Variants in IGSF21 observed in about 807,000 individuals in gnomAD.
IGSF21 encodes the protein immunoglobulin superfamily member 21.
IGSF21 carries 28 observed loss-of-function variants against 46.8 expected under a neutral mutation model. That is an observed-to-expected ratio of 0.60 (90% CI 0.44 to 0.82). The LOEUF (loss-of-function observed/expected upper bound fraction) is 0.82, where lower values mean the gene tolerates loss of function less well. Ranked by LOEUF, IGSF21 falls within the 40% of genes least tolerant of loss-of-function variation. The pLI is 0.00. For synonymous variants in IGSF21, 284 were observed against 273.6 expected (o/e 1.04, Z -0.38); for missense variants, 624 against 665.5 (o/e 0.94, Z 0.69).
Position 18,243,905 on chromosome 1 carries a change from A to C in IGSF21, c.183+15895A>C, listed in dbSNP as rs1403927681. 2.0e-5 allele frequency among the ~76,000 whole-genome samples: 3 copies of C among 152,002 alleles called. No individual in the cohort carries two copies. In the East Asian group the frequency reaches 5.8e-4, roughly 29 times the overall value. ...AGATCCAAGAGCAACTCCTGCCTCCACCTCTTCCTCTGTCACCTCCCCCAT... is the reference window on the plus strand; with the variant it reads ...AGATCCAAGAGCAACTCCTGCCTCCCCCTCTTCCTCTGTCACCTCCCCCAT... On this transcript the variant is annotated intron_variant, in intron 2 of 9. Coordinates refer to ENST00000251296, the MANE Select transcript of IGSF21 (RefSeq NM_032880.5).
At chr1:18,134,826 G>A (rs939829564) in intron 1 of IGSF21, among the ~76,000 whole-genome samples, 4 of 152,204 alleles carry the variant, frequency 2.6e-5, no homozygotes, top group South Asian at 2.1e-4. Flanking sequence ...TGCTCAGACC[G>A]GGGCCTCAGT....
intron 1 of IGSF21, among the ~76,000 whole-genome samples, chr1:18,187,200 A>C (rs933162668): frequency 6.9e-6 from 1 of 144,524 alleles, no homozygotes; most frequent in African/African-American, 2.6e-5. Context: ...CTGTTTCTGA[A>C]TATGGCAGAG....
chr1:18,276,146 A>G (rs1343807565), intron 2 of IGSF21, among the ~76,000 whole-genome samples: 1 of 152,088 alleles, frequency 6.6e-6, no homozygotes, highest in Non-Finnish European at 1.5e-5. Context: ...TTGCATCCAC[A>G]CTTCCTCTTG....
At position 18,346,825 on chromosome 1, in the gene IGSF21, G is replaced by A. The variant is rs530733996; in HGVS notation, c.424+11815G>A. On this transcript the variant is annotated intron_variant, in intron 4 of 9. Transcript: ENST00000251296. ...CTGAGCTACCAAAGCTGGCTGGAGT[G>A]GGGGCTGCAGCCCACAGGACTGAGG... Among the ~76,000 whole-genome samples the A allele has an allele frequency of 5.3e-5, 8 of 152,298 alleles. No homozygotes were observed. The South Asian group carries it at 8.3e-4, about 16-fold the overall frequency.
intron 1 of IGSF21, among the ~76,000 whole-genome samples, chr1:18,148,493 C>G (rs72942399): frequency 1.0e-3 from 154 of 152,302 alleles, no homozygotes; most frequent in African/African-American, 3.7e-3. Flanking sequence ...CCCGGAGAAG[C>G]TAAGTCACTT....
At chr1:18,368,736 A>G (rs2086193859) in intron 6 of IGSF21, among the ~76,000 whole-genome samples, 1 of 152,050 alleles carries the variant, frequency 6.6e-6, no homozygotes, top group Admixed American at 6.6e-5. Flanking sequence ...TGCTTCATTT[A>G]TGAAAGCCCC....
intron 1 of IGSF21, among the ~76,000 whole-genome samples, chr1:18,203,724 G>C (rs1358530536): frequency 6.6e-6 from 1 of 152,230 alleles, no homozygotes; most frequent in Non-Finnish European, 1.5e-5. Context: ...GGGAACAGGT[G>C]GGGTGGGGGC....
chr1:18,145,157 T>C (rs1383870956), intron 1 of IGSF21, among the ~76,000 whole-genome samples: 1 of 152,118 alleles, frequency 6.6e-6, no homozygotes, highest in Non-Finnish European at 1.5e-5. Context: ...TTTCTGTGCG[T>C]GGGGACAGGG....
intron 2 of IGSF21, among the ~76,000 whole-genome samples, chr1:18,260,370 C>T (rs2084935438): frequency 6.6e-6 from 1 of 152,206 alleles, no homozygotes. Context: ...GGAGCTTAGC[C>T]CGGGAGGGTT....
intron 2 of IGSF21, among the ~76,000 whole-genome samples, chr1:18,264,678 G>A (rs78204267): frequency 0.013 from 1,913 of 152,296 alleles, 18 homozygotes; most frequent in Non-Finnish European, 0.019. Context: ...CCCCCAGACC[G>A]GTTGGTGCAA....
At chr1:18,305,484 TGGA>T (rs2085412987) in intron 3 of IGSF21, among the ~76,000 whole-genome samples, 1 of 136,074 alleles carries the variant, frequency 7.3e-6, no homozygotes, top group African/African-American at 2.8e-5. Context: ...GATGGATGGA[TGGA>T]TGATGGATGG....
intron 2 of IGSF21, among the ~76,000 whole-genome samples, chr1:18,243,325 A>G (rs965407699): frequency 2.6e-5 from 4 of 152,048 alleles, no homozygotes; most frequent in Non-Finnish European, 4.4e-5. Context: ...CAGTTTCCGA[A>G]GCGAAAAATC....
intron 6 of IGSF21, among the ~76,000 whole-genome samples, chr1:18,370,718 C>T (rs533551596): frequency 2.2e-4 from 33 of 152,194 alleles, no homozygotes; most frequent in African/African-American, 7.2e-4. Flanking sequence ...TCTGACAAAG[C>T]ATTTGTAACC....
intron 1 of IGSF21, among the ~76,000 whole-genome samples, chr1:18,126,603 TG>T (rs1175881510): frequency 6.6e-6 from 1 of 152,138 alleles, no homozygotes; most frequent in African/African-American, 2.4e-5. Flanking sequence ...CCCCCCTACT[TG>T]TGGCTCCTCC....
chr1:18,377,144 G>T (rs1290082300), intron 8 of IGSF21, 152 bp downstream of exon 8: 12 of 842,070 alleles, frequency 1.4e-5, no homozygotes, highest in African/African-American at 8.6e-5. Flanking sequence ...TGGGAGGCAG[G>T]GTCGCTCAGT....
chr1:18,133,750 T>C (rs1257487517), intron 1 of IGSF21, among the ~76,000 whole-genome samples: 6 of 152,246 alleles, frequency 3.9e-5, no homozygotes, highest in Non-Finnish European at 5.9e-5. Flanking sequence ...TCCTTCACTA[T>C]TGGACAACTG....
chr1:18,371,052 C>T (rs2086218826), intron 6 of IGSF21, among the ~76,000 whole-genome samples: 1 of 152,122 alleles, frequency 6.6e-6, no homozygotes, highest in Admixed American at 6.5e-5. Flanking sequence ...TTCTTATGAC[C>T]CAACGATTTC....
intron 1 of IGSF21, among the ~76,000 whole-genome samples, chr1:18,128,887 C>T (rs1343945217): frequency 6.6e-6 from 1 of 152,034 alleles, no homozygotes; most frequent in Non-Finnish European, 1.5e-5. Context: ...TCACCTTGAA[C>T]CCCAGGATAC....
intron 2 of IGSF21, among the ~76,000 whole-genome samples, chr1:18,242,902 G>A (rs1309390281): frequency 6.6e-6 from 1 of 152,210 alleles, no homozygotes; most frequent in Non-Finnish European, 1.5e-5. Context: ...CAGGTGTCAT[G>A]TGACCCGCAC....
Sources: allele counts gnomAD v4.1 joint callset (sites outside exome capture counted in the v4.1 genomes callset), GRCh38; gene constraint gnomAD v4.1.1; transcripts MANE v1.5; gene names NCBI Gene and HGNC (gene_info 2026-07-23, HGNC 2026-07-21).